The following GGA2 variants were observed in gnomAD, a reference collection of about 807,000 sequenced individuals.
GGA2 encodes the protein golgi associated, gamma adaptin ear containing, ARF binding protein 2.
GGA2 carries 48 observed loss-of-function variants against 79.5 expected under a neutral mutation model. The observed-to-expected ratio is 0.60, with a 90% CI of 0.48 to 0.77. The LOEUF (loss-of-function observed/expected upper bound fraction) is 0.77. Among genes scored for constraint, GGA2 ranks in the 30% least tolerant of loss-of-function variants. The probability of loss-of-function intolerance (pLI) is 0.00; values close to 1 mark genes in which losing one functional copy is unlikely to be tolerated. For synonymous variants in GGA2, 317 were observed against 302.0 expected, an observed-to-expected ratio of 1.05 and a Z score of -0.51; for missense variants, 770 against 774.0, an observed-to-expected ratio of 0.99 and a Z score of 0.06.
chr16:23,467,422 A>ACACACACAC lies in GGA2; in HGVS notation c.*159_*167dup, dbSNP rs1281836284. On this transcript the variant is annotated 3_prime_UTR_variant, in exon 17 of 17. Coordinates refer to ENST00000309859, the MANE Select transcript of GGA2 (RefSeq NM_015044.4). ...CACACACACACACACACACACACAC[A>ACACACACAC]CACACACACACAGAGCATCTGCAGA... 10 of 610,752 alleles carry ACACACACAC rather than the reference A, an allele frequency of 1.6e-5. No individual in the cohort carries two copies. The Admixed American group carries it at 2.2e-4, about 14-fold the overall frequency. 37.8% of individuals were successfully genotyped at this position (610,752 alleles called of 1,614,324 possible).
intron 1 of GGA2, among the ~76,000 whole-genome samples, chr16:23,496,598 C>T (rs932468007): frequency 6.6e-5 from 10 of 152,068 alleles, no homozygotes; most frequent in Non-Finnish European, 1.0e-4. Context: ...TGAGGTGCAT[C>T]GCTTGAGCCC....
At position 23,465,213 on chromosome 16, in the gene GGA2, T is replaced by A. The variant is rs997596683; in HGVS notation, c.*2377A>T. The A allele has an allele frequency of 7.9e-6, 5 of 633,068 alleles. No individual in the cohort carries two copies. The African/African-American group carries it at 9.1e-5, about 11-fold the overall frequency. 39.2% of individuals were successfully genotyped at this position (633,068 alleles called of 1,614,324 possible). On this transcript the variant is annotated 3_prime_UTR_variant, in exon 17 of 17. Transcript: ENST00000309859. Reference sequence around the variant, plus strand: ...GTAGCCCAGGCTGGACTTGAAATCCTGGGCTCAAGCGGTCATCCCACTCAG... The same window carrying A: ...GTAGCCCAGGCTGGACTTGAAATCCAGGGCTCAAGCGGTCATCCCACTCAG...
upstream of GGA2, chr16:23,523,212 G>A (rs1965168930): frequency 6.6e-6 from 1 of 152,256 alleles, no homozygotes; most frequent in Non-Finnish European, 1.5e-5. Flanking sequence ...AAGCCTAGAA[G>A]CCTGGTAGGG....
In GGA2 at chr16:23,467,522, T is replaced by C. The variant is rs1009906060; in HGVS notation, c.*68A>G. On this transcript the variant is annotated 3_prime_UTR_variant, in exon 17 of 17. Coordinates refer to ENST00000309859, the MANE Select transcript of GGA2 (RefSeq NM_015044.4). ...GCACTCCGCACTGAAACACCGTGAT[T>C]AGTCCTGACTAGACAGCAAAAGTAA... is the stretch of plus-strand genomic sequence containing the variant. 8.8e-6 allele frequency: 7 copies of C among 791,430 alleles called. No homozygotes were observed. The highest frequency in any genetic ancestry group is 1.7e-5 in the African/African-American group (1 of 59,108). 49.0% of individuals were successfully genotyped at this position (791,430 alleles called of 1,614,324 possible).
rs867568945 is a variant in GGA2, at chr16:23,467,334, C to T, written c.*256G>A. 3.7e-5 allele frequency: 16 copies of T among 434,754 alleles called. No individual in the cohort carries two copies. The highest frequency in any genetic ancestry group is 1.6e-4 in the African/African-American group (8 of 49,950). 26.9% of individuals were successfully genotyped at this position (434,754 alleles called of 1,614,324 possible). A position where few individuals can be genotyped will look rare whatever the true frequency, so the allele number is the denominator to read the frequency against. On this transcript the variant is annotated 3_prime_UTR_variant, in exon 17 of 17. Transcript: ENST00000309859. ...GAGATGATGATGATGAGAAATGCTT[C>T]GCATTTCCCACACTGCCGATATCCC...
chr16:23,464,984 G>A lies in GGA2; in HGVS notation c.*2606C>T, dbSNP rs532368790. On this transcript the variant is annotated 3_prime_UTR_variant, in exon 17 of 17. Coordinates refer to ENST00000309859, the MANE Select transcript of GGA2 (RefSeq NM_015044.4). ...GAGACAGAGGAAAAAGAGCAGTCAC[G>A]GAGGTAGGTCACGAAATGGGTCAAC... 6 of 276,210 alleles carry A rather than the reference G, an allele frequency of 2.2e-5. No individual in the cohort carries two copies. The East Asian group carries it at 2.3e-4, about 11-fold the overall frequency. The allele number at this position is 276,210 out of a possible 1,614,324, so 17.1% of individuals were successfully genotyped here. A position where few individuals can be genotyped will look rare whatever the true frequency, so the allele number is the denominator to read the frequency against.
chr16:23,508,064 T>A (rs1484837267), intron 1 of GGA2, among the ~76,000 whole-genome samples: 1 of 129,350 alleles, frequency 7.7e-6, no homozygotes, highest in East Asian at 2.1e-4. Context: ...CTCCGGCTAC[T>A]TTTTTTTTTT....
In GGA2 at chr16:23,493,242, A is replaced by C. The variant is rs1964811516; in HGVS notation, c.351+118T>G. ...GCTTGGAGAGGAGAGCGCTTCTTTCACAGGCAGGAGCAGGTTTTGTCCATG... is the reference window on the plus strand; with the variant it reads ...GCTTGGAGAGGAGAGCGCTTCTTTCCCAGGCAGGAGCAGGTTTTGTCCATG... On this transcript the variant is annotated intron_variant, in intron 4 of 16. Coordinates refer to ENST00000309859, the MANE Select transcript of GGA2 (RefSeq NM_015044.4). 14 of 686,358 alleles carry C rather than the reference A, an allele frequency of 2.0e-5. No individual in the cohort carries two copies. The South Asian group carries it at 2.3e-4, about 11-fold the overall frequency. The allele number at this position is 686,358 out of a possible 1,614,324, so 42.5% of individuals were successfully genotyped here. A position where few individuals can be genotyped will look rare whatever the true frequency, so the allele number is the denominator to read the frequency against.
At chr16:23,472,680 C>G (rs1964526216) in intron 14 of GGA2, among the ~76,000 whole-genome samples, 1 of 151,020 alleles carries the variant, frequency 6.6e-6, no homozygotes, top group Non-Finnish European at 1.5e-5. Flanking sequence ...TGCACTCCAG[C>G]CTGGGTGATA....
At chr16:23,508,221 C>A (rs1201023944) in intron 1 of GGA2, among the ~76,000 whole-genome samples, 1 of 152,086 alleles carries the variant, frequency 6.6e-6, no homozygotes, top group Admixed American at 6.5e-5. Flanking sequence ...TGTGCGCCAC[C>A]ACACATGGCT....
intron 13 of GGA2, among the ~76,000 whole-genome samples, chr16:23,477,803 G>A (rs1964593876): frequency 6.6e-6 from 1 of 152,050 alleles, no homozygotes; most frequent in Admixed American, 6.6e-5. Flanking sequence ...TGACTGGGAG[G>A]CCTCCCCAGC....
intron 8 of GGA2, among the ~76,000 whole-genome samples, chr16:23,485,508 T>C (rs1459742609): frequency 6.6e-6 from 1 of 152,212 alleles, no homozygotes; most frequent in Non-Finnish European, 1.5e-5. Context: ...TATGACCTAG[T>C]AATCCCAGAC....
rs75797272 is a variant in GGA2 at position 23,471,981 on chromosome 16, C to T, written c.1451-1816G>A. 5.8e-3 allele frequency among the ~76,000 whole-genome samples: 879 copies of T among 151,964 alleles called. 13 individuals carry two copies. The highest frequency in any genetic ancestry group is 0.02 in the African/African-American group (835 of 41,424). On this transcript the variant is annotated intron_variant, in intron 14 of 16. Coordinates refer to ENST00000309859, the MANE Select transcript of GGA2 (RefSeq NM_015044.4). ...CCAAAGATTTAAGAGACTGAAAATA[C>T]CAGTGGGGTATGGTGGCAAGAGTAT...
chr16:23,497,190 G>A (rs990446278), intron 1 of GGA2, among the ~76,000 whole-genome samples: 12 of 151,864 alleles, frequency 7.9e-5, no homozygotes, highest in African/African-American at 1.7e-4. Flanking sequence ...ATGAGAAACC[G>A]TACTGGTTCT....
intron 16 of GGA2, 37 bp downstream of exon 16, chr16:23,468,849 C>A: frequency 7.8e-7 from 1 of 1,287,310 alleles, no homozygotes; most frequent in East Asian, 2.3e-5. Flanking sequence ...AGTTCAGGGG[C>A]CCCCATCTCC....
Position 23,465,586 on chromosome 16 carries a change from G to A in GGA2, c.*2004C>T. 1 of 606,052 alleles carries A rather than the reference G, an allele frequency of 1.7e-6. No individual in the cohort carries two copies. Among genetic ancestry groups the A allele is most frequent in the Non-Finnish European group, 3.0e-6 (1 of 338,778 alleles). The allele number at this position is 606,052 out of a possible 1,614,324, so 37.5% of individuals were successfully genotyped here. Reference sequence around the variant, plus strand: ...CATTTTGACCAAAACCCTTCAGAGGGAGATGCTGTCATTATGATGGGTACC... The same window carrying A: ...CATTTTGACCAAAACCCTTCAGAGGAAGATGCTGTCATTATGATGGGTACC... On this transcript the variant is annotated 3_prime_UTR_variant, in exon 17 of 17. Coordinates refer to ENST00000309859, the MANE Select transcript of GGA2 (RefSeq NM_015044.4).
At chr16:23,486,516 A>T (rs1964714886) in intron 7 of GGA2, among the ~76,000 whole-genome samples, 194 bp downstream of exon 7, 1 of 152,190 alleles carries the variant, frequency 6.6e-6, no homozygotes, top group Admixed American at 6.6e-5. Context: ...GAAGTACGGC[A>T]GCGGGATTTC....
intron 5 of GGA2, among the ~76,000 whole-genome samples, 154 bp downstream of exon 5, chr16:23,491,519 GATTT>G (rs938496454): frequency 7.7e-5 from 8 of 104,250 alleles, no homozygotes; most frequent in South Asian, 3.6e-4. Context: ...GTAGATAAAA[GATTT>G]ATTGCGTAAA....
At chr16:23,490,253 A>C (rs1964766239) in intron 5 of GGA2, among the ~76,000 whole-genome samples, 1 of 152,204 alleles carries the variant, frequency 6.6e-6, no homozygotes, top group South Asian at 2.1e-4. Flanking sequence ...CTACAGCAAC[A>C]ACAAATCTCA....
Sources: allele counts gnomAD v4.1 joint callset (sites outside exome capture counted in the v4.1 genomes callset), GRCh38; gene constraint gnomAD v4.1.1; transcripts MANE v1.5; gene names NCBI Gene and HGNC (gene_info 2026-07-23, HGNC 2026-07-21).